The following UNC5D variants were observed in gnomAD, a reference collection of about 807,000 sequenced individuals.
UNC5D encodes netrin receptor UNC5D.
A neutral mutation model predicts 105.4 loss-of-function variants in UNC5D; 39 were observed. That is an observed-to-expected ratio of 0.37 (90% confidence interval 0.29 to 0.48). UNC5D has a LOEUF of 0.48. Ranked by LOEUF, UNC5D falls within the 20% of genes least tolerant of loss-of-function variation. The pLI is 0.98. For synonymous variants in UNC5D, 452 were observed against 450.4 expected, an observed-to-expected ratio of 1.00 and a Z score of -0.04; for missense variants, 991 against 1,202.4, an observed-to-expected ratio of 0.82 and a Z score of 2.60.
intron 1 of UNC5D, among the ~76,000 whole-genome samples, chr8:35,402,892 A>T (rs1804562977): frequency 6.6e-6 from 1 of 152,100 alleles, no homozygotes; most frequent in African/African-American, 2.4e-5. Flanking sequence ...AGCTCTCCAT[A>T]TTCGTGCCTA....
At chr8:35,294,334 G>A (rs967990202) in intron 1 of UNC5D, among the ~76,000 whole-genome samples, 15 of 152,118 alleles carry the variant, frequency 9.9e-5, no homozygotes, top group Admixed American at 5.2e-4. Flanking sequence ...TTAAAAACCT[G>A]TTCAGGTAGA....
chr8:35,649,028 C>T (rs1461841962), intron 4 of UNC5D, among the ~76,000 whole-genome samples: 1 of 152,110 alleles, frequency 6.6e-6, no homozygotes, highest in Non-Finnish European at 1.5e-5. Flanking sequence ...TGGTACTTCA[C>T]TTTTATTACA....
At chr8:35,549,643 A>T (rs897383163) in intron 2 of UNC5D, 133 bp downstream of exon 2, 10 of 817,942 alleles carry the variant, frequency 1.2e-5, no homozygotes, top group Non-Finnish European at 1.9e-5. Flanking sequence ...CACTCCCAGC[A>T]TATAAGATGC....
At chr8:35,692,824 A>G (rs553843319) in intron 7 of UNC5D, among the ~76,000 whole-genome samples, 22 of 152,334 alleles carry the variant, frequency 1.4e-4, no homozygotes, top group African/African-American at 4.8e-4. Context: ...AATTTATAGG[A>G]CATAGTAGGT....
chr8:35,557,769 C>T (rs1586127964), intron 2 of UNC5D, among the ~76,000 whole-genome samples: 1 of 151,850 alleles, frequency 6.6e-6, no homozygotes, highest in Non-Finnish European at 1.5e-5. Flanking sequence ...TGTGTGATCT[C>T]GTAGCAGCTT....
intron 1 of UNC5D, among the ~76,000 whole-genome samples, chr8:35,511,497 G>T (rs1812696549): frequency 1.4e-5 from 2 of 144,472 alleles, no homozygotes; most frequent in African/African-American, 2.6e-5. Context: ...AAAAAAAAAG[G>T]TCTTAATTTT....
At chr8:35,367,834 A>C (rs1528717) in intron 1 of UNC5D, among the ~76,000 whole-genome samples, 66,277 of 151,874 alleles carry the variant, frequency 0.44, 14,748 homozygotes, top group East Asian at 0.7. Flanking sequence ...TCATCTTGTC[A>C]TGTGGTGTGG....
At chr8:35,568,376 T>G in intron 3 of UNC5D, 135 bp downstream of exon 3, 2 of 1,283,310 alleles carry the variant, frequency 1.6e-6, no homozygotes, top group South Asian at 3.4e-5. Context: ...TTCTAAAATG[T>G]TATTTTAAAA....
intron 1 of UNC5D, among the ~76,000 whole-genome samples, chr8:35,370,142 A>C (rs1057006230): frequency 2.0e-5 from 3 of 152,152 alleles, no homozygotes; most frequent in African/African-American, 2.4e-5. Context: ...GTGGTCTTTC[A>C]AACTTGAACC....
intron 1 of UNC5D, among the ~76,000 whole-genome samples, chr8:35,423,687 T>A (rs1806059457): frequency 6.6e-6 from 1 of 152,120 alleles, no homozygotes; most frequent in Non-Finnish European, 1.5e-5. Flanking sequence ...GACAAAGCAA[T>A]TGGAAACTAT....
chr8:35,590,474 A>T (rs1819097161), intron 3 of UNC5D, among the ~76,000 whole-genome samples: 1 of 152,286 alleles, frequency 6.6e-6, no homozygotes, highest in Admixed American at 6.5e-5. Context: ...AGTCATCTTA[A>T]TACCTTTTCC....
chr8:35,620,014 T>C (rs1479042844), intron 4 of UNC5D, among the ~76,000 whole-genome samples: 1 of 152,144 alleles, frequency 6.6e-6, no homozygotes, highest in African/African-American at 2.4e-5. Context: ...TCAGCACAGG[T>C]CCTCTAATGG....
At chr8:35,404,399 G>T (rs1585763830) in intron 1 of UNC5D, among the ~76,000 whole-genome samples, 1 of 152,258 alleles carries the variant, frequency 6.6e-6, no homozygotes, top group South Asian at 2.1e-4. Flanking sequence ...AAGAAAGCTG[G>T]GTTTTGTGGT....
chr8:35,437,434 A>C lies in UNC5D; in HGVS notation c.104-111858A>C, dbSNP rs114696322. On this transcript the variant is annotated intron_variant, in intron 1 of 16. Transcript: ENST00000404895. ...CAAAGTTCTTTTCTGACAGCAGATAAACAGGTCTTCCCCATATAATTGTTC... is the reference window on the plus strand; with the variant it reads ...CAAAGTTCTTTTCTGACAGCAGATACACAGGTCTTCCCCATATAATTGTTC... Among the ~76,000 whole-genome samples, 749 of 152,220 alleles carry C rather than the reference A, an allele frequency of 4.9e-3. 4 individuals are homozygous for C. Among genetic ancestry groups the C allele is most frequent in the African/African-American group, 0.017 (687 of 41,546 alleles).
chr8:35,348,913 A>C (rs1231533205), intron 1 of UNC5D, among the ~76,000 whole-genome samples: 1 of 151,848 alleles, frequency 6.6e-6, no homozygotes, highest in East Asian at 1.9e-4. Flanking sequence ...ATTTTAGTAA[A>C]CTTTATTACA....
chr8:35,455,195 C>T (rs557902701), intron 1 of UNC5D, among the ~76,000 whole-genome samples: 1 of 151,996 alleles, frequency 6.6e-6, no homozygotes, highest in East Asian at 1.9e-4. Context: ...TAAAGTGACC[C>T]AATTTTATAA....
rs537038266 is a variant in UNC5D, at chr8:35,633,767, T to A, written c.570+38110T>A. Among the ~76,000 whole-genome samples, 110 of 152,234 alleles carry A rather than the reference T, an allele frequency of 7.2e-4. 3 individuals carry two copies. The South Asian group carries it at 0.021, about 30-fold the overall frequency. ...CAGCTTATAATATTCCTGGTCAGAA[T>A]GACCAGGTCTGCAGTTTCCAGGACC... On this transcript the variant is annotated intron_variant, in intron 4 of 16. Transcript: ENST00000404895.
chr8:35,322,196 A>G (rs1809802216), intron 1 of UNC5D, among the ~76,000 whole-genome samples: 1 of 151,918 alleles, frequency 6.6e-6, no homozygotes, highest in African/African-American at 2.4e-5. Flanking sequence ...AGGGATATTT[A>G]TTTCCTTGGC....
intron 4 of UNC5D, among the ~76,000 whole-genome samples, chr8:35,640,045 G>A (rs1397056701): frequency 6.6e-6 from 1 of 151,934 alleles, no homozygotes; most frequent in African/African-American, 2.4e-5. Flanking sequence ...TTTAAATAAT[G>A]TACAAGCACA....
Sources: allele counts gnomAD v4.1 joint callset (sites outside exome capture counted in the v4.1 genomes callset), GRCh38; gene constraint gnomAD v4.1.1; transcripts MANE v1.5; gene names NCBI Gene and HGNC (gene_info 2026-07-23, HGNC 2026-07-21).